TJP2: variants seen among roughly 807,000 people sequenced by gnomAD.
TJP2 encodes tight junction protein 2.
TJP2 carries 91 observed loss-of-function variants against 133.1 expected under a neutral mutation model. The ratio of observed to expected loss-of-function variants is 0.68; its 90% CI spans 0.58 to 0.81. The LOEUF (loss-of-function observed/expected upper bound fraction) is 0.81. Among genes scored for constraint, TJP2 ranks in the 40% least tolerant of loss-of-function variants. TJP2 has a pLI of 0.00. For synonymous variants in TJP2, 592 were observed against 583.4 expected (o/e 1.01, Z -0.21); for missense variants, 1,541 against 1,565.6 (o/e 0.98, Z 0.26).
intron 2 of TJP2, among the ~76,000 whole-genome samples, chr9:69,156,732 C>CTT (rs1823787099): frequency 6.6e-6 from 1 of 151,664 alleles, no homozygotes; most frequent in Non-Finnish European, 1.5e-5. Context: ...GGGGTTTCAC[C>CTT]GTGGTCTCGA....
intron 17 of TJP2, among the ~76,000 whole-genome samples, chr9:69,240,875 T>C (rs1478894631): frequency 2.0e-5 from 3 of 151,610 alleles, no homozygotes; most frequent in Admixed American, 6.6e-5. Flanking sequence ...ATTATTTCTC[T>C]TTGTTAGGTG....
rs748102718 is a variant in TJP2, at chr9:69,221,392, G to A, written c.848G>A (p.Arg283Gln). 92 of 1,581,354 alleles carry A rather than the reference G, an allele frequency of 5.8e-5. No homozygotes were observed. The Admixed American group carries it at 1.5e-3, about 26-fold the overall frequency. The change falls in exon 5 of 23, where the codon CGA (arginine) becomes CAA (glutamine). Residue 283 changes from arginine (R) to glutamine (Q), a missense_variant. Transcript: ENST00000377245. The stretch of plus-strand genomic sequence containing the variant: ...CACGATGCCCGCTCTCGGGGACCCC[G>A]AAGCCGCAGCCGCGAGCACCCGCAC... ...ARHDARSRGP[R>Q]SRSREHPHSR... is the part of the protein sequence containing the mutation.
In TJP2 at chr9:69,240,072, A is replaced by C; in HGVS notation, c.2491A>C (p.Thr831Pro). 1 of 1,614,172 alleles carries C rather than the reference A, an allele frequency of 6.2e-7. No homozygotes were observed. The highest frequency in any genetic ancestry group is 8.5e-7 in the Non-Finnish European group (1 of 1,180,022). Reference sequence around the variant, plus strand: ...AACCATGAGACAAAGGTTAAATCCAACGTCCAACAAAAGTTCTCGAAAGTT... The same window carrying C: ...AACCATGAGACAAAGGTTAAATCCACCGTCCAACAAAAGTTCTCGAAAGTT... ...VKTMRQRLNPTSNKSSRKLFD... is the reference protein window; with the variant it reads ...VKTMRQRLNPPSNKSSRKLFD... Residue 831 changes from threonine (T) to proline (P), a missense_variant, in exon 17 of 23, where the codon ACG (threonine) becomes CCG (proline). Physicochemically the swap from Thr to Pro is conservative, Grantham distance 38. Coordinates refer to ENST00000377245, the MANE Select transcript of TJP2 (RefSeq NM_004817.4).
At chr9:69,181,879 C>T (rs1825536851) in intron 1 of TJP2, among the ~76,000 whole-genome samples, 1 of 152,084 alleles carries the variant, frequency 6.6e-6, no homozygotes, top group Admixed American at 6.5e-5. Flanking sequence ...AATTATGTAC[C>T]AGCACCACGT....
intron 1 of TJP2, among the ~76,000 whole-genome samples, chr9:69,140,005 A>T (rs1027676728): frequency 6.6e-6 from 1 of 152,178 alleles, no homozygotes; most frequent in African/African-American, 2.4e-5. Context: ...GGGCAGGCTT[A>T]GATCAGTATG....
chr9:69,207,740 C>T (rs1394507383), intron 1 of TJP2, among the ~76,000 whole-genome samples: 2 of 152,304 alleles, frequency 1.3e-5, no homozygotes, highest in Admixed American at 1.3e-4. Context: ...TAGCCAAGCA[C>T]AAGGTGGTGG....
intron 1 of TJP2, among the ~76,000 whole-genome samples, chr9:69,180,406 T>G (rs1387337932): frequency 6.6e-6 from 1 of 152,222 alleles, no homozygotes; most frequent in Non-Finnish European, 1.5e-5. Flanking sequence ...CCAGGACATG[T>G]AGCTTCAAGG....
At chr9:69,185,833 C>G (rs1450891665) in intron 1 of TJP2, among the ~76,000 whole-genome samples, 3 of 150,696 alleles carry the variant, frequency 2.0e-5, no homozygotes, top group African/African-American at 7.3e-5. Flanking sequence ...GCAGAAGTGT[C>G]TGTCCTATTA....
intron 2 of TJP2, among the ~76,000 whole-genome samples, chr9:69,162,282 C>T (rs893177025): frequency 3.3e-5 from 5 of 150,670 alleles, no homozygotes; most frequent in South Asian, 2.1e-4. Flanking sequence ...TATTTCATTC[C>T]TCCATTTCTT....
chr9:69,131,320 T>C (rs1378816301), intron 1 of TJP2, among the ~76,000 whole-genome samples: 1 of 152,162 alleles, frequency 6.6e-6, no homozygotes, highest in Non-Finnish European at 1.5e-5. Flanking sequence ...TGCTGACATA[T>C]GGAAGTGTTT....
In TJP2 at chr9:69,221,462, C is replaced by T. The variant is rs374523970; in HGVS notation, c.918C>T (p.Ile306=). 6.5e-4 allele frequency: 1,045 copies of T among 1,598,438 alleles called. No homozygotes were observed. The highest frequency in any genetic ancestry group is 8.2e-4 in the Non-Finnish European group (960 of 1,172,324). Residue 306 remains isoleucine, a synonymous_variant, in exon 5 of 23, where the codon ATC becomes ATT. Coordinates refer to ENST00000377245, the MANE Select transcript of TJP2 (RefSeq NM_004817.4). ...SPEPRGRPGP[I]GVLLMKSRAN... ...AGCCTAGGGGGCGGCCGGGGCCCAT[C>T]GGGGTCCTCCTGATGAAAAGCAGAG...
chr9:69,156,474 G>A (rs1823763988), intron 2 of TJP2, among the ~76,000 whole-genome samples: 5 of 150,846 alleles, frequency 3.3e-5, no homozygotes, highest in African/African-American at 1.2e-4. Flanking sequence ...AGTACAGCTT[G>A]CTTTTATACA....
At chr9:69,237,441 G>A (rs369864538) in intron 14 of TJP2, among the ~76,000 whole-genome samples, 2 of 152,212 alleles carry the variant, frequency 1.3e-5, no homozygotes, top group East Asian at 3.9e-4. Flanking sequence ...CAAGGTGGGA[G>A]GATCACTTGA....
chr9:69,240,121 A>C lies in TJP2; in HGVS notation c.2540A>C (p.Lys847Thr). 6.2e-7 allele frequency: 1 copy of C among 1,614,118 alleles called. No individual in the cohort carries two copies. The highest frequency in any genetic ancestry group is 8.5e-7 in the Non-Finnish European group (1 of 1,180,018). The change falls in exon 17 of 23, where the codon AAA becomes ACA. Residue 847 changes from lysine (K) to threonine (T), a missense_variant. Physicochemically the swap from Lys to Thr is moderately conservative, Grantham distance 78. Coordinates refer to ENST00000377245, the MANE Select transcript of TJP2 (RefSeq NM_004817.4). ...TTATTTGATCAAGCCAACAAGCTTA[A>C]AAAAACGTGTGCACACCTTTTTACA... ...RKLFDQANKLKKTCAHLFTAT... is the reference protein window; with the variant it reads ...RKLFDQANKLTKTCAHLFTAT...
chr9:69,134,640 G>A (rs149525464), intron 1 of TJP2, among the ~76,000 whole-genome samples: 63 of 152,302 alleles, frequency 4.1e-4, no homozygotes, highest in African/African-American at 1.4e-3. Flanking sequence ...AACTGGGTTC[G>A]AGGAACCCAG....
chr9:69,203,607 A>ATGTTTTTTTT (rs1827166870), intron 1 of TJP2, among the ~76,000 whole-genome samples: 1 of 67,860 alleles, frequency 1.5e-5, no homozygotes. Context: ...CCCAGCCTGG[A>ATGTTTTTTTT]TTTTTTTTTT....
At chr9:69,160,663 C>G (rs1824018677) in intron 2 of TJP2, among the ~76,000 whole-genome samples, 1 of 152,154 alleles carries the variant, frequency 6.6e-6, no homozygotes, top group Non-Finnish European at 1.5e-5. Context: ...TTTCATGCTG[C>G]TGATAAAGAC....
In TJP2 at chr9:69,216,395, T is replaced by C. The variant is rs759421600; in HGVS notation, c.171T>C (p.Phe57=). ...CCGGAGGCAGAGACAACCCCCACTT[T>C]GAAAATGGAGAAACGTCAATTGTCA... ...AVSGGRDNPH[F]ENGETSIVIS... Residue 57 remains phenylalanine (F), a synonymous_variant, in exon 3 of 23, where the codon TTT becomes TTC. Transcript: ENST00000377245. The C allele has an allele frequency of 1.1e-5, 17 of 1,614,140 alleles. No individual in the cohort carries two copies. The South Asian group carries it at 1.3e-4, about 13-fold the overall frequency.
chr9:69,154,240 G>A (rs954534290), intron 2 of TJP2, among the ~76,000 whole-genome samples: 2 of 152,130 alleles, frequency 1.3e-5, no homozygotes, highest in African/African-American at 4.8e-5. Flanking sequence ...GGCCAGTTTG[G>A]ATCAATTGCT....
Sources: gnomAD v4.1 joint callset for allele counts (sites outside exome capture counted in the v4.1 genomes callset) on GRCh38, gnomAD v4.1.1 for gene constraint, MANE v1.5 for transcripts, NCBI Gene and HGNC (gene_info 2026-07-23, HGNC 2026-07-21) for gene names.